The following CD2AP variants were observed in gnomAD, a reference collection of about 807,000 sequenced individuals.
CD2AP encodes the protein CD2 associated protein.
CD2AP carries 46 observed loss-of-function variants against 85.1 expected under a neutral mutation model. The ratio of observed to expected loss-of-function variants is 0.54; its 90% CI spans 0.43 to 0.69. The LOEUF (loss-of-function observed/expected upper bound fraction) is 0.69. Among genes scored for constraint, CD2AP ranks in the 30% least tolerant of loss-of-function variants. The pLI is 0.00. For synonymous variants in CD2AP, 255 were observed against 252.9 expected (o/e 1.01, Z -0.08); for missense variants, 769 against 729.5 (o/e 1.05, Z -0.62).
chr6:47,591,944 C>T (rs1417254494), intron 11 of CD2AP, among the ~76,000 whole-genome samples: 1 of 152,040 alleles, frequency 6.6e-6, no homozygotes, highest in South Asian at 2.1e-4. Flanking sequence ...CTCACCTCGG[C>T]CTCCAGAGTA....
chr6:47,549,969 C>G (rs950627768), intron 4 of CD2AP, among the ~76,000 whole-genome samples: 5 of 152,138 alleles, frequency 3.3e-5, no homozygotes, highest in African/African-American at 1.2e-4. Flanking sequence ...AAAGGACATC[C>G]TTTTCAACAA....
intron 1 of CD2AP, among the ~76,000 whole-genome samples, chr6:47,495,913 A>G (rs1187904847): frequency 6.6e-6 from 1 of 152,152 alleles, no homozygotes; most frequent in East Asian, 1.9e-4. Flanking sequence ...ACTCTCTTAT[A>G]CCATACAAGG....
intron 17 of CD2AP, among the ~76,000 whole-genome samples, chr6:47,613,422 T>C (rs1479162168): frequency 6.6e-6 from 1 of 152,160 alleles, no homozygotes; most frequent in African/African-American, 2.4e-5. Flanking sequence ...GACCTGAAAG[T>C]AACATTAATC....
intron 2 of CD2AP, among the ~76,000 whole-genome samples, chr6:47,530,290 G>A (rs1037237330): frequency 6.6e-6 from 1 of 152,106 alleles, no homozygotes. Flanking sequence ...GTATACAACC[G>A]TGAAACCTCT....
chr6:47,609,595 A>G (rs1357478085), intron 16 of CD2AP: 1 of 288,422 alleles, frequency 3.5e-6, no homozygotes, highest in Non-Finnish European at 6.6e-6. Flanking sequence ...GCTACTCAAG[A>G]GGCTGAGGTG....
chr6:47,544,794 T>C (rs1469316562), intron 4 of CD2AP, 88 bp downstream of exon 4: 2 of 809,780 alleles, frequency 2.5e-6, no homozygotes, highest in Non-Finnish European at 2.1e-6. Context: ...TATTAGTCTT[T>C]TGTGAGAACT....
intron 2 of CD2AP, among the ~76,000 whole-genome samples, chr6:47,505,843 CG>C (rs1214225662): frequency 1.8e-5 from 2 of 114,236 alleles, no homozygotes; most frequent in Non-Finnish European, 3.6e-5. Flanking sequence ...GCTGTCCGGG[CG>C]GGGGGGCTGA....
chr6:47,590,498 T>C (rs1466779142), intron 11 of CD2AP, among the ~76,000 whole-genome samples: 1 of 152,124 alleles, frequency 6.6e-6, no homozygotes, highest in East Asian at 1.9e-4. Context: ...GAGTTTGAAC[T>C]ATATGGGGTC....
rs767008547 is a variant in CD2AP, at chr6:47,624,275, G to A, written c.*48G>A. ...AATGTTCCAGGGATTCAGAAGCAACGCTATGAACTTCAGCTGACTTGTTAC... is the reference window on the plus strand; with the variant it reads ...AATGTTCCAGGGATTCAGAAGCAACACTATGAACTTCAGCTGACTTGTTAC... On this transcript the variant is annotated 3_prime_UTR_variant, in exon 18 of 18. Coordinates refer to ENST00000359314, the MANE Select transcript of CD2AP (RefSeq NM_012120.3). 5.6e-6 allele frequency: 8 copies of A among 1,422,716 alleles called. No individual in the cohort carries two copies. The highest frequency in any genetic ancestry group is 2.3e-5 in the East Asian group (1 of 43,872). The allele number at this position is 1,422,716 out of a possible 1,614,324, so 88.1% of individuals were successfully genotyped here. A position where few individuals can be genotyped will look rare whatever the true frequency, so the allele number is the denominator to read the frequency against.
intron 5 of CD2AP, among the ~76,000 whole-genome samples, chr6:47,569,862 C>G (rs1345516537): frequency 2.6e-5 from 4 of 152,234 alleles, no homozygotes; most frequent in Non-Finnish European, 2.9e-5. Context: ...TTATACTCCT[C>G]CTGGTGAGCA....
chr6:47,480,493 A>T (rs1033341153), intron 1 of CD2AP, among the ~76,000 whole-genome samples: 15 of 152,228 alleles, frequency 9.9e-5, no homozygotes, highest in African/African-American at 3.1e-4. Flanking sequence ...AGTTAAAAGC[A>T]TGGGCTCTGG....
intron 10 of CD2AP, 68 bp downstream of exon 10, chr6:47,580,968 G>C: frequency 9.4e-7 from 1 of 1,060,280 alleles, no homozygotes. Flanking sequence ...GGTAAAATTG[G>C]ATCTAATGCA....
At chr6:47,563,590 G>A (rs1767916941) in intron 5 of CD2AP, among the ~76,000 whole-genome samples, 1 of 152,152 alleles carries the variant, frequency 6.6e-6, no homozygotes, top group East Asian at 1.9e-4. Context: ...CCAAACATTT[G>A]TGTACAGTAT....
In CD2AP at chr6:47,554,738, T is replaced by C; in HGVS notation, c.513T>C (p.Gly171=). The change falls in exon 5 of 18, where the codon GGT becomes GGC. Residue 171 remains glycine, a synonymous_variant. Transcript: ENST00000359314. ...FVKELEVTDD[G]ETHEAQDDSE... is the part of the protein sequence containing the mutation. ...AAGAATTAGAGGTAACAGATGATGG[T>C]GAAACTCATGAAGCCCAGGACGATT... 6.2e-7 allele frequency: 1 copy of C among 1,613,572 alleles called. No individual in the cohort carries two copies. The highest frequency in any genetic ancestry group is 1.1e-5 in the South Asian group (1 of 91,018).
Position 47,598,664 on chromosome 6 carries a change from C to G in CD2AP, c.1275-637C>G, listed in dbSNP as rs1191318777. 1.3e-5 allele frequency among the ~76,000 whole-genome samples: 2 copies of G among 150,728 alleles called. 1 individual carries two copies. Among genetic ancestry groups the G allele is most frequent in the Non-Finnish European group, 3.0e-5 (2 of 67,180 alleles). On this transcript the variant is annotated intron_variant, in intron 12 of 17. Transcript: ENST00000359314. ...AGTAACTTAGGAATGGAAAATCAAA[C>G]ATTGTACGTTCTCCCTAATATGTGG...
intron 2 of CD2AP, among the ~76,000 whole-genome samples, chr6:47,509,806 A>G (rs1582494656): frequency 6.6e-6 from 1 of 152,192 alleles, no homozygotes; most frequent in Non-Finnish European, 1.5e-5. Context: ...TTGGCGGACT[A>G]CAGTAAGATG....
chr6:47,523,822 T>C (rs962603763), intron 2 of CD2AP, among the ~76,000 whole-genome samples: 11 of 152,322 alleles, frequency 7.2e-5, no homozygotes, highest in African/African-American at 2.2e-4. Context: ...AACACTGTTA[T>C]TTGTAGGTAC....
chr6:47,612,398 C>G, intron 16 of CD2AP, 75 bp from the exon 17 acceptor site: 1 of 1,083,928 alleles, frequency 9.2e-7, no homozygotes, highest in Non-Finnish European at 1.4e-6. Flanking sequence ...GGTTAGGTAA[C>G]AAAAAGCCTG....
At chr6:47,519,885 AAAAT>A (rs1766540599) in intron 2 of CD2AP, among the ~76,000 whole-genome samples, 1 of 152,234 alleles carries the variant, frequency 6.6e-6, no homozygotes, top group Non-Finnish European at 1.5e-5. Context: ...AGGAAGGAGA[AAAAT>A]AAAGAGGAAA....
Sources: allele counts gnomAD v4.1 joint callset (sites outside exome capture counted in the v4.1 genomes callset), GRCh38; gene constraint gnomAD v4.1.1; transcripts MANE v1.5; gene names NCBI Gene and HGNC (gene_info 2026-07-23, HGNC 2026-07-21).